The following TENM4 variants were observed in gnomAD, a reference collection of about 807,000 sequenced individuals.
TENM4 encodes the protein teneurin transmembrane protein 4, also known as teneurin-4.
In TENM4, 82 loss-of-function variants were observed where a neutral mutation model predicts 243.3. The ratio of observed to expected loss-of-function variants is 0.34; its 90% CI spans 0.28 to 0.40. The LOEUF (loss-of-function observed/expected upper bound fraction) is 0.40, where lower values mean the gene tolerates loss of function less well. Among genes scored for constraint, TENM4 ranks in the 10% least tolerant of loss-of-function variants. TENM4 has a pLI of 1.00. For synonymous variants in TENM4, 1,412 were observed against 1,456.3 expected, an observed-to-expected ratio of 0.97 and a Z score of 0.69; for missense variants, 3,138 against 3,673.3, an observed-to-expected ratio of 0.85 and a Z score of 3.77.
At chr11:78,878,397 T>C (rs1366530667) in intron 9 of TENM4, among the ~76,000 whole-genome samples, 1 of 152,132 alleles carries the variant, frequency 6.6e-6, no homozygotes, top group East Asian at 1.9e-4. Context: ...TTAGCAGCAA[T>C]TGTGAGGAGC....
intron 1 of TENM4, among the ~76,000 whole-genome samples, chr11:79,330,767 G>A (rs1857049016): frequency 6.6e-6 from 1 of 152,158 alleles, no homozygotes; most frequent in Admixed American, 6.5e-5. Flanking sequence ...TAAGCAATGT[G>A]CCCAAACCCA....
chr11:79,074,757 T>C (rs781766047), intron 4 of TENM4, among the ~76,000 whole-genome samples: 4 of 151,944 alleles, frequency 2.6e-5, no homozygotes, highest in Non-Finnish European at 5.9e-5. Context: ...GAGGCCAGAG[T>C]GTGTCTTCCC....
At chr11:79,216,431 G>C (rs1029890554) in intron 2 of TENM4, among the ~76,000 whole-genome samples, 1 of 152,222 alleles carries the variant, frequency 6.6e-6, no homozygotes, top group African/African-American at 2.4e-5. Flanking sequence ...AGATTCACCA[G>C]ACAAATAAGT....
intron 7 of TENM4, 26 bp downstream of exon 7, chr11:78,903,242 C>T: frequency 6.7e-7 from 1 of 1,484,736 alleles, no homozygotes; most frequent in Non-Finnish European, 8.9e-7. Flanking sequence ...CCCTCCTCAG[C>T]CTCACCCTCC....
chr11:79,031,815 G>GCAATT (rs1565174931), intron 6 of TENM4, among the ~76,000 whole-genome samples: 1 of 152,156 alleles, frequency 6.6e-6, no homozygotes, highest in East Asian at 1.9e-4. Flanking sequence ...CTTAACATGA[G>GCAATT]CAATTTTGCT....
intron 22 of TENM4, among the ~76,000 whole-genome samples, chr11:78,728,030 G>T (rs1590972439): frequency 6.6e-6 from 1 of 152,178 alleles, no homozygotes; most frequent in African/African-American, 2.4e-5. Context: ...GTGATCTTAG[G>T]AAAGTGACTG....
At position 78,786,899 on chromosome 11, in the gene TENM4, G is replaced by T. The variant is rs766854452; in HGVS notation, c.2364C>A (p.Ile788=). Residue 788 remains isoleucine (I), a splice_region_variant and synonymous_variant, in exon 16 of 34, where the codon ATC becomes ATA. Coordinates refer to ENST00000278550, the MANE Select transcript of TENM4 (RefSeq NM_001098816.3). ...SPGWNGEHCT[I]AHYLDRVVKE... ...CCCGGGGACCTCGGCCCGCCATACC[G>T]ATGGTGCAGTGTTCGCCATTCCAGC... 2.2e-5 allele frequency: 35 copies of T among 1,607,504 alleles called. 1 individual carries two copies. The East Asian group carries it at 6.9e-4, about 32-fold the overall frequency.
chr11:79,099,136 CTG>C (rs1419922457), intron 4 of TENM4, among the ~76,000 whole-genome samples: 1 of 152,150 alleles, frequency 6.6e-6, no homozygotes, highest in East Asian at 1.9e-4. Flanking sequence ...TTCCCTCCTC[CTG>C]TTGGAGGAGC....
At chr11:79,377,527 G>C (rs755546286) in intron 1 of TENM4, among the ~76,000 whole-genome samples, 2 of 152,116 alleles carry the variant, frequency 1.3e-5, no homozygotes, top group African/African-American at 4.8e-5. Context: ...GTAACAGTTC[G>C]CACCTGCAGA....
chr11:79,416,329 A>G (rs1858813055), intron 1 of TENM4, among the ~76,000 whole-genome samples: 1 of 152,196 alleles, frequency 6.6e-6, no homozygotes. Flanking sequence ...TGTTCTCTGA[A>G]GTAGTAGTCT....
At chr11:79,084,733 G>A (rs754458567) in intron 4 of TENM4, among the ~76,000 whole-genome samples, 1 of 152,096 alleles carries the variant, frequency 6.6e-6, no homozygotes, top group Admixed American at 6.5e-5. Flanking sequence ...AGGGAGGTGG[G>A]TGTGGCTATA....
intron 31 of TENM4, among the ~76,000 whole-genome samples, chr11:78,671,054 T>A (rs12799131): frequency 0.54 from 81,617 of 152,142 alleles, 24,382 homozygotes; most frequent in Non-Finnish European, 0.69. Flanking sequence ...CAATTTCTTT[T>A]ACCTGCTAAA....
intron 17 of TENM4, 49 bp downstream of exon 17, chr11:78,778,553 C>G: frequency 6.9e-6 from 11 of 1,587,616 alleles, no homozygotes; most frequent in Non-Finnish European, 9.5e-6. Context: ...TACTCATACA[C>G]AAACACACAC....
intron 3 of TENM4, among the ~76,000 whole-genome samples, chr11:79,177,975 G>T (rs1003180845): frequency 1.3e-5 from 2 of 152,180 alleles, no homozygotes; most frequent in African/African-American, 2.4e-5. Flanking sequence ...GAGCAAAGAG[G>T]AAGCAGGAAG....
At chr11:78,759,379 G>A (rs1255344213) in intron 18 of TENM4, among the ~76,000 whole-genome samples, 1 of 152,228 alleles carries the variant, frequency 6.6e-6, no homozygotes, top group Non-Finnish European at 1.5e-5. Context: ...CCATAACTCT[G>A]CAGAAATGCT....
intron 1 of TENM4, among the ~76,000 whole-genome samples, chr11:79,341,562 C>T (rs926744380): frequency 6.6e-6 from 1 of 152,234 alleles, no homozygotes; most frequent in Non-Finnish European, 1.5e-5. Context: ...GAACTCAGCA[C>T]ACACTGTGCA....
At chr11:78,879,468 A>C (rs1316138553) in intron 9 of TENM4, among the ~76,000 whole-genome samples, 41 of 11,008 alleles carry the variant, frequency 3.7e-3, no homozygotes, top group African/African-American at 6.5e-3. Flanking sequence ...CGGCCGCCAC[A>C]CCGTCTGGGA....
At chr11:79,198,655 G>A (rs1863682963) in intron 3 of TENM4, among the ~76,000 whole-genome samples, 1 of 152,254 alleles carries the variant, frequency 6.6e-6, no homozygotes, top group Non-Finnish European at 1.5e-5. Flanking sequence ...AAGAAAAACA[G>A]GTGCCAACCC....
chr11:79,012,494 T>C (rs1176104364), intron 6 of TENM4, among the ~76,000 whole-genome samples: 1 of 152,152 alleles, frequency 6.6e-6, no homozygotes, highest in Non-Finnish European at 1.5e-5. Context: ...GTACCCTTGT[T>C]TCCAAAGGAG....
Sources: gnomAD v4.1 joint callset for allele counts (sites outside exome capture counted in the v4.1 genomes callset) on GRCh38, gnomAD v4.1.1 for gene constraint, MANE v1.5 for transcripts, NCBI Gene and HGNC (gene_info 2026-07-23, HGNC 2026-07-21) for gene names.